The following PTPRD variants were observed in gnomAD, a reference collection of about 807,000 sequenced individuals.
PTPRD encodes the protein protein tyrosine phosphatase receptor type D, also known as receptor-type tyrosine-protein phosphatase delta.
PTPRD carries 34 observed loss-of-function variants against 214.5 expected under a neutral mutation model. The ratio of observed to expected loss-of-function variants is 0.16; its 90% CI spans 0.12 to 0.21. The LOEUF (loss-of-function observed/expected upper bound fraction) is 0.21. Among genes scored for constraint, PTPRD ranks in the 10% least tolerant of loss-of-function variants. The pLI is 1.00. For synonymous variants in PTPRD, 1,128 were observed against 845.7 expected, an observed-to-expected ratio of 1.33 and a Z score of -5.79; for missense variants, 2,545 against 2,398.7, an observed-to-expected ratio of 1.06 and a Z score of -1.27.
At chr9:10,466,950 G>C (rs2098998732) in intron 2 of PTPRD, among the ~76,000 whole-genome samples, 1 of 152,156 alleles carries the variant, frequency 6.6e-6, no homozygotes, top group South Asian at 2.1e-4. Context: ...ATGTCCAGAG[G>C]ATGCACTCTT....
intron 7 of PTPRD, among the ~76,000 whole-genome samples, chr9:9,721,400 G>T (rs971469204): frequency 1.3e-5 from 2 of 152,090 alleles, no homozygotes; most frequent in African/African-American, 4.8e-5. Flanking sequence ...AAATAGTCTT[G>T]CTCCTTTGTA....
intron 10 of PTPRD, among the ~76,000 whole-genome samples, chr9:9,152,588 T>C (rs866259313): frequency 6.6e-6 from 1 of 152,142 alleles, no homozygotes; most frequent in Admixed American, 6.5e-5. Flanking sequence ...AACTTTATCA[T>C]TGGGTGGTGG....
chr9:10,482,060 G>A (rs1375575892), intron 2 of PTPRD, among the ~76,000 whole-genome samples: 1 of 152,030 alleles, frequency 6.6e-6, no homozygotes. Flanking sequence ...AAAATAAAAT[G>A]AAGAAAATAA....
chr9:10,436,115 C>T (rs180903084), intron 2 of PTPRD, among the ~76,000 whole-genome samples: 8 of 151,714 alleles, frequency 5.3e-5, no homozygotes, highest in African/African-American at 1.9e-4. Context: ...AGAATAACAC[C>T]CTCAATAAAC....
intron 4 of PTPRD, among the ~76,000 whole-genome samples, chr9:9,978,214 A>G (rs926894871): frequency 6.6e-6 from 1 of 152,198 alleles, no homozygotes; most frequent in African/African-American, 2.4e-5. Context: ...GATAATCAAT[A>G]GAACTGGACT....
chr9:10,213,902 A>G (rs1249313473), intron 3 of PTPRD, among the ~76,000 whole-genome samples: 1 of 152,016 alleles, frequency 6.6e-6, no homozygotes, highest in Non-Finnish European at 1.5e-5. Flanking sequence ...ACCTGTTTTC[A>G]TTCCTGTCTT....
intron 11 of PTPRD, among the ~76,000 whole-genome samples, chr9:8,827,714 T>C (rs1000008944): frequency 1.3e-5 from 2 of 152,196 alleles, no homozygotes; most frequent in Admixed American, 1.3e-4. Context: ...AGAGCATGCC[T>C]TTAACCTATA....
rs563133825 is a variant in PTPRD at position 9,626,077 on chromosome 9, G to T, written c.-286-51296C>A. ...GACTTTACTTGCAAAAACAGGCAAA[G>T]AACTGAATTAGGTCTACGAGCCACA... On this transcript the variant is annotated intron_variant, in intron 7 of 45. Transcript: ENST00000381196. Among the ~76,000 whole-genome samples the T allele has an allele frequency of 2.5e-3, 378 of 152,294 alleles. 1 individual carries two copies. The highest frequency in any genetic ancestry group is 8.5e-3 in the African/African-American group (355 of 41,562).
chr9:10,231,989 A>AGTGTGTGTGTGTGT (rs61314978), intron 3 of PTPRD, among the ~76,000 whole-genome samples: 88 of 92,472 alleles, frequency 9.5e-4, no homozygotes, highest in South Asian at 2.2e-3. Context: ...AGAGAGAGAG[A>AGTGTGTGTGTGTGT]GTGTGTGTGT....
At chr9:9,837,603 G>C (rs1445463902) in intron 5 of PTPRD, among the ~76,000 whole-genome samples, 2 of 152,062 alleles carry the variant, frequency 1.3e-5, no homozygotes, top group African/African-American at 4.8e-5. Flanking sequence ...CAAAGACCTA[G>C]TTTCTTGGGG....
At chr9:8,409,305 G>A (rs1348333315) in intron 35 of PTPRD, among the ~76,000 whole-genome samples, 1 of 152,124 alleles carries the variant, frequency 6.6e-6, no homozygotes, top group African/African-American at 2.4e-5. Context: ...AGGCCAGGCT[G>A]GGGGTCCACA....
intron 7 of PTPRD, among the ~76,000 whole-genome samples, chr9:9,725,187 G>C (rs946787042): frequency 1.3e-5 from 2 of 152,112 alleles, no homozygotes; most frequent in Non-Finnish European, 2.9e-5. Flanking sequence ...ATTCCCTCGT[G>C]TTCTGGGAAG....
intron 10 of PTPRD, among the ~76,000 whole-genome samples, chr9:9,146,131 A>T (rs886272804): frequency 1.3e-5 from 2 of 152,234 alleles, no homozygotes; most frequent in Admixed American, 1.3e-4. Context: ...TTCCACTGTG[A>T]TAATTTCTCA....
Position 10,482,199 on chromosome 9 carries a change from A to T in PTPRD, c.-600+130199T>A, listed in dbSNP as rs138154194. ...AGCCCGGCTAACACAGTGAAACCCC[A>T]TCTCTACTAAAAATACAAAAAATTA... On this transcript the variant is annotated intron_variant, in intron 2 of 45. Transcript: ENST00000381196. Among the ~76,000 whole-genome samples, 4 of 151,594 alleles carry T rather than the reference A, an allele frequency of 2.6e-5. 1 individual carries two copies. The highest frequency in any genetic ancestry group is 4.8e-5 in the African/African-American group (2 of 41,324).
chr9:9,640,072 T>TA (rs1221751185), intron 7 of PTPRD, among the ~76,000 whole-genome samples: 1 of 152,184 alleles, frequency 6.6e-6, no homozygotes, highest in Non-Finnish European at 1.5e-5. Flanking sequence ...GATTTCATCT[T>TA]AGAGACCCAT....
chr9:9,537,475 CTT>C (rs1186029010), intron 8 of PTPRD, among the ~76,000 whole-genome samples: 3 of 151,932 alleles, frequency 2.0e-5, no homozygotes, highest in Non-Finnish European at 4.4e-5. Flanking sequence ...CTGAAAAAGA[CTT>C]AGTCCATAGT....
At chr9:10,340,787 T>G (rs891177636) in intron 3 of PTPRD, among the ~76,000 whole-genome samples, 176 bp downstream of exon 3, 1 of 151,920 alleles carries the variant, frequency 6.6e-6, no homozygotes, top group South Asian at 2.1e-4. Context: ...CCAAAGTGTA[T>G]AGCAAGACTA....
intron 2 of PTPRD, among the ~76,000 whole-genome samples, chr9:10,576,521 A>C (rs959474416): frequency 6.6e-6 from 1 of 152,168 alleles, no homozygotes; most frequent in African/African-American, 2.4e-5. Flanking sequence ...TTGCACAGTG[A>C]AATAAGGTGA....
At chr9:9,597,315 T>C (rs1048127310) in intron 7 of PTPRD, among the ~76,000 whole-genome samples, 9 of 152,132 alleles carry the variant, frequency 5.9e-5, no homozygotes, top group Admixed American at 1.3e-4. Flanking sequence ...CATAGCTATA[T>C]TGATGTTGGC....
Sources: allele counts gnomAD v4.1 joint callset (sites outside exome capture counted in the v4.1 genomes callset), GRCh38; gene constraint gnomAD v4.1.1; transcripts MANE v1.5; gene names NCBI Gene and HGNC (gene_info 2026-07-23, HGNC 2026-07-21).